BMAL1: variants seen among roughly 807,000 people sequenced by gnomAD.
BMAL1 encodes basic helix-loop-helix ARNT-like protein 1.
the BMAL1 span, chr11:13,358,715 GC>G: frequency 9.4e-7 from 1 of 1,068,170 alleles, no homozygotes; most frequent in African/African-American, 1.6e-5. Flanking sequence ...TCAGTAGTAT[GC>G]CTTTACTCTT....
the BMAL1 span, chr11:13,376,588 A>G: frequency 1.3e-6 from 2 of 1,575,568 alleles, no homozygotes; most frequent in Non-Finnish European, 1.7e-6. Flanking sequence ...TGAATGGTGC[A>G]CAGTTCTGAG....
chr11:13,278,166 C>T, the BMAL1 span, among the ~76,000 whole-genome samples: 3 of 152,218 alleles, frequency 2.0e-5, no homozygotes, highest in African/African-American at 7.2e-5. Context: ...ATCCTCCTCG[C>T]GGGGGCTGCC....
chr11:13,348,923 A>AT, the BMAL1 span, among the ~76,000 whole-genome samples: 34 of 152,082 alleles, frequency 2.2e-4, no homozygotes, highest in African/African-American at 8.0e-4. Context: ...AAATGCCAAA[A>AT]TTTTTTTTCA....
chr11:13,283,484 G>A, the BMAL1 span, among the ~76,000 whole-genome samples: 1 of 152,166 alleles, frequency 6.6e-6, no homozygotes, highest in Admixed American at 6.5e-5. Context: ...TCACAAATGA[G>A]GTGGTTTTAT....
chr11:13,359,962 C>G, the BMAL1 span, among the ~76,000 whole-genome samples: 1 of 152,196 alleles, frequency 6.6e-6, no homozygotes. Flanking sequence ...TGAAGGACTA[C>G]CAGACAACCC....
the BMAL1 span, among the ~76,000 whole-genome samples, chr11:13,288,013 C>G: frequency 6.6e-6 from 1 of 152,166 alleles, no homozygotes; most frequent in Non-Finnish European, 1.5e-5. Flanking sequence ...CTTCATAGAA[C>G]TGGTCAGGTT....
the BMAL1 span, among the ~76,000 whole-genome samples, chr11:13,299,690 A>C: frequency 6.6e-6 from 1 of 152,302 alleles, no homozygotes; most frequent in South Asian, 2.1e-4. Context: ...TGCACGTGGC[A>C]CGCAGAGCCC....
the BMAL1 span, among the ~76,000 whole-genome samples, chr11:13,298,313 C>T: frequency 1.3e-5 from 2 of 152,188 alleles, no homozygotes; most frequent in African/African-American, 2.4e-5. Flanking sequence ...TGCCTGCTCC[C>T]TTGGCCTGGA....
the BMAL1 span, among the ~76,000 whole-genome samples, chr11:13,316,203 G>A: frequency 6.6e-6 from 1 of 152,220 alleles, no homozygotes; most frequent in African/African-American, 2.4e-5. Context: ...CTGGACTGTG[G>A]TTTCTGTGGC....
the BMAL1 span, chr11:13,376,690 C>A: frequency 8.1e-6 from 13 of 1,613,976 alleles, no homozygotes; most frequent in Non-Finnish European, 1.1e-5. Flanking sequence ...CTCACAGCAT[C>A]CCCCCACAGC....
the BMAL1 span, among the ~76,000 whole-genome samples, chr11:13,338,989 A>G: frequency 8.5e-5 from 13 of 152,234 alleles, no homozygotes; most frequent in African/African-American, 3.1e-4. Context: ...CACACTGAAC[A>G]TGTCCCAAAC....
chr11:13,374,152 A>G, the BMAL1 span: 76 of 1,613,934 alleles, frequency 4.7e-5, no homozygotes, highest in South Asian at 8.1e-4. Flanking sequence ...CGTGTTATGA[A>G]TATTTTCACC....
At chr11:13,368,379 G>T in the BMAL1 span, among the ~76,000 whole-genome samples, 1 of 152,354 alleles carries the variant, frequency 6.6e-6, no homozygotes, top group South Asian at 2.1e-4. Flanking sequence ...CTGTGCACAG[G>T]TGCAGGGGTG....
the BMAL1 span, among the ~76,000 whole-genome samples, chr11:13,339,170 C>T: frequency 6.6e-6 from 1 of 152,228 alleles, no homozygotes; most frequent in Non-Finnish European, 1.5e-5. Flanking sequence ...CGTCAGGAAA[C>T]CCATTGGCTT....
the BMAL1 span, among the ~76,000 whole-genome samples, chr11:13,284,077 G>GGT: frequency 0.41 from 34,598 of 85,160 alleles, 10,196 homozygotes; most frequent in Non-Finnish European, 0.5. Context: ...ACAGTGTTGG[G>GGT]GTGTGTGTGT....
At chr11:13,337,166 A>G in the BMAL1 span, among the ~76,000 whole-genome samples, 1 of 152,328 alleles carries the variant, frequency 6.6e-6, no homozygotes, top group Middle Eastern at 3.4e-3. Flanking sequence ...TTTATTATAT[A>G]AATAATTCAT....
At chr11:13,356,911 G>A in the BMAL1 span, 63 of 1,585,436 alleles carry the variant, frequency 4.0e-5, no homozygotes, top group Non-Finnish European at 4.8e-5. Context: ...GCCTGTGGGC[G>A]CTCACTGTGT....
chr11:13,366,698 C>G, the BMAL1 span: 1 of 1,614,052 alleles, frequency 6.2e-7, no homozygotes. Flanking sequence ...GTTTGACTAC[C>G]TGCATCCTAA....
the BMAL1 span, among the ~76,000 whole-genome samples, chr11:13,374,377 C>A: frequency 6.6e-6 from 1 of 152,192 alleles, no homozygotes; most frequent in Non-Finnish European, 1.5e-5. Context: ...CACTGTTTAT[C>A]CCCCTTGTAG....
Sources: allele counts gnomAD v4.1 joint callset (sites outside exome capture counted in the v4.1 genomes callset), GRCh38; gene constraint gnomAD v4.1.1; transcripts MANE v1.5; gene names NCBI Gene and HGNC (gene_info 2026-07-23, HGNC 2026-07-21).